The following STAG1 variants were observed in gnomAD, a reference collection of about 807,000 sequenced individuals.
STAG1 encodes cohesin subunit SA-1.
STAG1 carries 26 observed loss-of-function variants against 170.9 expected under a neutral mutation model. That is an observed-to-expected ratio of 0.15 (90% CI 0.11 to 0.21). The LOEUF is 0.21. Ranked by LOEUF, STAG1 falls within the 10% of genes least tolerant of loss-of-function variation. STAG1 has a pLI of 1.00. For missense variants in STAG1, 964 were observed against 1,509.5 expected (o/e 0.64, Z 5.99); for synonymous variants, 514 against 497.7 (o/e 1.03, Z -0.44).
intron 9 of STAG1, among the ~76,000 whole-genome samples, chr3:136,485,483 T>A (rs982799725): frequency 1.3e-5 from 2 of 152,046 alleles, no homozygotes; most frequent in African/African-American, 4.8e-5. Flanking sequence ...AGCTCTACTA[T>A]AAACTGTGAG....
chr3:136,694,921 G>T (rs1200318197), intron 1 of STAG1, among the ~76,000 whole-genome samples: 1 of 152,146 alleles, frequency 6.6e-6, no homozygotes, highest in East Asian at 1.9e-4. Context: ...TAGAACAGAA[G>T]CTTGAAAAGG....
intron 4 of STAG1, among the ~76,000 whole-genome samples, chr3:136,574,683 TAAAGC>T (rs1937391977): frequency 6.6e-6 from 1 of 152,130 alleles, no homozygotes; most frequent in Non-Finnish European, 1.5e-5. Flanking sequence ...TCAAAATACA[TAAAGC>T]AAAGATTGAA....
chr3:136,520,012 G>C (rs1368778630), intron 7 of STAG1, among the ~76,000 whole-genome samples: 1 of 151,986 alleles, frequency 6.6e-6, no homozygotes, highest in East Asian at 1.9e-4. Context: ...GTAACTAACA[G>C]AATAACAGAC....
At chr3:136,557,184 G>GT (rs1936656751) in intron 5 of STAG1, among the ~76,000 whole-genome samples, 1 of 152,074 alleles carries the variant, frequency 6.6e-6, no homozygotes, top group African/African-American at 2.4e-5. Flanking sequence ...GCTGCAGTGA[G>GT]TCAAGATCGC....
chr3:136,643,801 G>A (rs193117464), intron 1 of STAG1, among the ~76,000 whole-genome samples: 18 of 152,198 alleles, frequency 1.2e-4, no homozygotes, highest in Admixed American at 2.6e-4. Flanking sequence ...GAGCCACTGC[G>A]CCAAGCCTGA....
chr3:136,476,809 G>C (rs2107820230), intron 10 of STAG1, among the ~76,000 whole-genome samples: 1 of 151,970 alleles, frequency 6.6e-6, no homozygotes, highest in East Asian at 1.9e-4. Flanking sequence ...TACTTATTCA[G>C]GATTACTTAT....
chr3:136,696,280 G>C (rs1356253435), intron 1 of STAG1, among the ~76,000 whole-genome samples: 1 of 139,758 alleles, frequency 7.2e-6, no homozygotes, highest in Non-Finnish European at 1.5e-5. Context: ...TTTGGTGGCT[G>C]GGCTTGTGAG....
chr3:136,606,933 G>A (rs1365754214), intron 3 of STAG1, among the ~76,000 whole-genome samples: 5 of 151,792 alleles, frequency 3.3e-5, no homozygotes, highest in African/African-American at 1.2e-4. Flanking sequence ...TGTATTTTTA[G>A]TAGAGATGTG....
At chr3:136,460,244 G>A (rs183051976) in intron 13 of STAG1, among the ~76,000 whole-genome samples, 1 of 152,220 alleles carries the variant, frequency 6.6e-6, no homozygotes. Context: ...CCAACAAAAT[G>A]TAAAACCTAA....
At chr3:136,746,975 A>G (rs1232974255) in intron 1 of STAG1, among the ~76,000 whole-genome samples, 2 of 151,982 alleles carry the variant, frequency 1.3e-5, no homozygotes, top group Non-Finnish European at 2.9e-5. Flanking sequence ...ACATGCCTGT[A>G]ATCCCAGCTA....
intron 3 of STAG1, 47 bp from the exon 4 acceptor site, chr3:136,604,520 C>T: frequency 7.9e-6 from 12 of 1,512,678 alleles, no homozygotes; most frequent in Non-Finnish European, 1.1e-5. Flanking sequence ...GTTTACTTTG[C>T]TTTATATAAA....
chr3:136,424,901 G>A (rs1461307174), intron 16 of STAG1, among the ~76,000 whole-genome samples: 2 of 152,026 alleles, frequency 1.3e-5, no homozygotes, highest in Admixed American at 6.6e-5. Flanking sequence ...GTGCAGTGGT[G>A]CAATCTCGGC....
chr3:136,749,551 TC>T (rs943830241), intron 1 of STAG1, among the ~76,000 whole-genome samples: 3 of 152,002 alleles, frequency 2.0e-5, no homozygotes, highest in African/African-American at 7.3e-5. Context: ...ATGGAGACCA[TC>T]CTGGCCAACG....
intron 7 of STAG1, chr3:136,518,287 A>T (rs1267860428): frequency 6.2e-6 from 4 of 642,222 alleles, no homozygotes; most frequent in African/African-American, 5.5e-5. Context: ...AAGCAATGTC[A>T]AGGAGCATTT....
intron 16 of STAG1, among the ~76,000 whole-genome samples, chr3:136,427,523 C>G (rs1186882113): frequency 6.6e-6 from 1 of 152,054 alleles, no homozygotes; most frequent in African/African-American, 2.4e-5. Flanking sequence ...ACTAGTGATG[C>G]TGGAAGTGTT....
intron 1 of STAG1, among the ~76,000 whole-genome samples, chr3:136,734,119 A>AC (rs1040133353): frequency 3.0e-3 from 439 of 147,992 alleles, no homozygotes; most frequent in African/African-American, 9.6e-3. Flanking sequence ...AAAAAAAAAA[A>AC]AAAACAAAAC....
chr3:136,511,501 A>G (rs1393429333), intron 7 of STAG1, among the ~76,000 whole-genome samples: 3 of 152,240 alleles, frequency 2.0e-5, no homozygotes, highest in Admixed American at 2.0e-4. Flanking sequence ...TTGCAGGGAC[A>G]TGGATGGAGC....
chr3:136,558,745 C>A (rs1936724419), intron 5 of STAG1, among the ~76,000 whole-genome samples: 1 of 152,114 alleles, frequency 6.6e-6, no homozygotes, highest in South Asian at 2.1e-4. Flanking sequence ...ATCTTATAAC[C>A]CAGCAATTCC....
intron 20 of STAG1, among the ~76,000 whole-genome samples, chr3:136,419,288 C>G (rs1190689162): frequency 6.6e-6 from 1 of 152,156 alleles, no homozygotes; most frequent in Non-Finnish European, 1.5e-5. Context: ...ATTTTGGAAA[C>G]TGCTTTTGAA....
Sources: allele counts gnomAD v4.1 joint callset (sites outside exome capture counted in the v4.1 genomes callset), GRCh38; gene constraint gnomAD v4.1.1; transcripts MANE v1.5; gene names NCBI Gene and HGNC (gene_info 2026-07-23, HGNC 2026-07-21).